Variants in DEPDC1 observed in about 807,000 individuals in gnomAD.
The protein encoded by DEPDC1 is DEP domain-containing protein 1A.
A neutral mutation model predicts 86.8 loss-of-function variants in DEPDC1; 66 were observed. The ratio of observed to expected loss-of-function variants is 0.76; its 90% CI spans 0.62 to 0.93. The LOEUF (loss-of-function observed/expected upper bound fraction) is 0.93, where lower values mean the gene tolerates loss of function less well. DEPDC1 is among the 40% of genes least tolerant of loss of function. The pLI, the probability that DEPDC1 is intolerant of heterozygous loss-of-function variation, is 0.00. For synonymous variants in DEPDC1, 255 were observed against 314.9 expected (o/e 0.81, Z 2.02); for missense variants, 792 against 935.7 (o/e 0.85, Z 2.00).
At chr1:68,479,030 T>C (rs1179583272) in intron 10 of DEPDC1, 114 bp downstream of exon 10, 1 of 838,874 alleles carries the variant, frequency 1.2e-6, no homozygotes, top group East Asian at 2.6e-5. Flanking sequence ...TCCTGACTTT[T>C]AGAGGTTGTT....
chr1:68,476,811 A>G lies in DEPDC1; in HGVS notation c.*121T>C. On this transcript the variant is annotated 3_prime_UTR_variant, in exon 12 of 12. Coordinates refer to ENST00000456315, the MANE Select transcript of DEPDC1 (RefSeq NM_001114120.3). ...GATAACTATTTTGGCACTTCCTTAC[A>G]TAATGTGTTTATTTAGAAATACCTT... 1.1e-6 allele frequency: 1 copy of G among 907,238 alleles called. No individual in the cohort carries two copies. The highest frequency in any genetic ancestry group is 1.6e-6 in the Non-Finnish European group (1 of 625,658). 56.2% of individuals were successfully genotyped at this position (907,238 alleles called of 1,614,324 possible). A position where few individuals can be genotyped will look rare whatever the true frequency, so the allele number is the denominator to read the frequency against.
At chr1:68,495,467 G>A (rs1646258693) in intron 1 of DEPDC1, among the ~76,000 whole-genome samples, 1 of 152,148 alleles carries the variant, frequency 6.6e-6, no homozygotes, top group African/African-American at 2.4e-5. Context: ...ATAAAGCAGA[G>A]AGATTAATAA....
chr1:68,490,895 C>G (rs1646225184), intron 2 of DEPDC1, among the ~76,000 whole-genome samples: 1 of 152,158 alleles, frequency 6.6e-6, no homozygotes, highest in Admixed American at 6.5e-5. Context: ...CTACAACCAA[C>G]TGATCTTCAG....
At chr1:68,486,758 T>A (rs955945815) in intron 6 of DEPDC1, among the ~76,000 whole-genome samples, 179 bp downstream of exon 6, 2 of 151,926 alleles carry the variant, frequency 1.3e-5, no homozygotes, top group African/African-American at 2.4e-5. Context: ...CAGAAAAAAT[T>A]AAGGGCTCCA....
At position 68,489,471 on chromosome 1, in the gene DEPDC1, T is replaced by C; in HGVS notation, c.452A>G (p.His151Arg). ...TGTTACCTGAGATAAATGTAATCCATGCCTTTTAGGAGTTCTACGAGATAA... is the reference window on the plus strand; with the variant it reads ...TGTTACCTGAGATAAATGTAATCCACGCCTTTTAGGAGTTCTACGAGATAA... ...RNLSRRTPKR[H>R]GLHLSQENGE... Residue 151 changes from histidine to arginine, a missense_variant, in exon 3 of 12, where the codon CAT (histidine) becomes CGT (arginine). His to Arg is a conservative substitution (Grantham distance 29, BLOSUM62 0). Coordinates refer to ENST00000456315, the MANE Select transcript of DEPDC1 (RefSeq NM_001114120.3). The C allele has an allele frequency of 4.6e-6, 7 of 1,510,042 alleles. No individual in the cohort carries two copies. The highest frequency in any genetic ancestry group is 6.1e-6 in the Non-Finnish European group (7 of 1,139,272). The allele number at this position is 1,510,042 out of a possible 1,614,324, so 93.5% of individuals were successfully genotyped here.
rs553707743 is a variant in DEPDC1 at position 68,476,776 on chromosome 1, G to T, written c.*156C>A. ...TTGAGATCTAGTTAGTTTCCTAAGAGTCTCACATTGATAACTATTTTGGCA... is the reference window on the plus strand; with the variant it reads ...TTGAGATCTAGTTAGTTTCCTAAGATTCTCACATTGATAACTATTTTGGCA... On this transcript the variant is annotated 3_prime_UTR_variant, in exon 12 of 12. Transcript: ENST00000456315. 6.3e-5 allele frequency: 37 copies of T among 591,164 alleles called. 2 individuals are homozygous for T. In the South Asian group the frequency reaches 9.6e-4, roughly 15 times the overall value. The allele number at this position is 591,164 out of a possible 1,614,324, so 36.6% of individuals were successfully genotyped here.
chr1:68,485,807 T>C (rs184869928), intron 6 of DEPDC1, among the ~76,000 whole-genome samples: 44 of 152,220 alleles, frequency 2.9e-4, no homozygotes, highest in African/African-American at 5.5e-4. Context: ...ATTTATTCAA[T>C]GTCATTTTAT....
At position 68,486,875 on chromosome 1, in the gene DEPDC1, CAATAT is replaced by C. The variant is rs1646195723; in HGVS notation, c.769+57_769+61del. 3 of 1,300,938 alleles carry C rather than the reference CAATAT, an allele frequency of 2.3e-6. No homozygotes were observed. The African/African-American group carries it at 5.0e-5, about 22-fold the overall frequency. 80.6% of individuals were successfully genotyped at this position (1,300,938 alleles called of 1,614,324 possible). A position where few individuals can be genotyped will look rare whatever the true frequency, so the allele number is the denominator to read the frequency against. On this transcript the variant is annotated intron_variant, in intron 6 of 11. Transcript: ENST00000456315. ...TTCCTTGGTTCTTGTTAAATACTATCAATATAACACACACACACACACACACACAC... is the reference window on the plus strand; with the variant it reads ...TTCCTTGGTTCTTGTTAAATACTATCAACACACACACACACACACACACAC...
rs375007168 is a variant in DEPDC1 at position 68,478,788 on chromosome 1, A to G, written c.2112+356T>C. Among the ~76,000 whole-genome samples the G allele has an allele frequency of 3.3e-4, 50 of 152,162 alleles. No individual in the cohort carries two copies. The East Asian group carries it at 8.1e-3, about 25-fold the overall frequency. On this transcript the variant is annotated intron_variant, in intron 10 of 11. Coordinates refer to ENST00000456315, the MANE Select transcript of DEPDC1 (RefSeq NM_001114120.3). Reference sequence around the variant, plus strand: ...ACTCTTAACAACCTAAACGATGCATATTTAACCTCAACTATGCTAAGAGTC... The same window carrying G: ...ACTCTTAACAACCTAAACGATGCATGTTTAACCTCAACTATGCTAAGAGTC...
At chr1:68,477,351 T>C (rs1053581277) in intron 11 of DEPDC1, among the ~76,000 whole-genome samples, 1 of 151,690 alleles carries the variant, frequency 6.6e-6, no homozygotes, top group Admixed American at 6.6e-5. Flanking sequence ...ATGAAGGGCA[T>C]AGGCATCTAG....
chr1:68,475,657 T>TG lies in DEPDC1; in HGVS notation c.*1274dup, dbSNP rs776420064. 7 of 151,856 alleles carry TG rather than the reference T, an allele frequency of 4.6e-5. No individual in the cohort carries two copies. The highest frequency in any genetic ancestry group is 1.7e-4 in the African/African-American group (7 of 41,396). 9.4% of individuals were successfully genotyped at this position (151,856 alleles called of 1,614,324 possible). ...TTAAGGAATAGATATGAAACAATCT[T>TG]GGAGTAAAAATTAGAAGGCAACTTG... On this transcript the variant is annotated 3_prime_UTR_variant, in exon 12 of 12. Coordinates refer to ENST00000456315, the MANE Select transcript of DEPDC1 (RefSeq NM_001114120.3).
chr1:68,477,947 A>T lies in DEPDC1; in HGVS notation c.2138T>A (p.Phe713Tyr). 1 of 1,552,058 alleles carries T rather than the reference A, an allele frequency of 6.4e-7. No individual in the cohort carries two copies. The highest frequency in any genetic ancestry group is 1.3e-5 in the South Asian group (1 of 76,408). ...GHIENPGDGL[F>Y]APLPTYSYCK... ...GTATGAGTAAGTTGGCAAAGGAGCA[A>T]ATAGTCCATCTCCAGGATTTTCAAT... Residue 713 changes from phenylalanine to tyrosine, a missense_variant, in exon 11 of 12, where the codon TTT (phenylalanine) becomes TAT (tyrosine). By Grantham distance (22) the Phe-to-Tyr change is conservative (BLOSUM62 3). Coordinates refer to ENST00000456315, the MANE Select transcript of DEPDC1 (RefSeq NM_001114120.3).
chr1:68,493,174 G>A (rs1201626259), intron 2 of DEPDC1, among the ~76,000 whole-genome samples: 1 of 152,152 alleles, frequency 6.6e-6, no homozygotes, highest in Non-Finnish European at 1.5e-5. Flanking sequence ...AGTTAAGAGA[G>A]GGAAGATTTG....
At position 68,476,751 on chromosome 1, in the gene DEPDC1, T is replaced by G; in HGVS notation, c.*181A>C. Reference sequence around the variant, plus strand: ...ATCATCTATTGTTATGTGCTCTCAATTGAGATCTAGTTAGTTTCCTAAGAG... The same window carrying G: ...ATCATCTATTGTTATGTGCTCTCAAGTGAGATCTAGTTAGTTTCCTAAGAG... On this transcript the variant is annotated 3_prime_UTR_variant, in exon 12 of 12. Transcript: ENST00000456315. 1 of 524,042 alleles carries G rather than the reference T, an allele frequency of 1.9e-6. No individual in the cohort carries two copies. Among genetic ancestry groups the G allele is most frequent in the Non-Finnish European group, 3.3e-6 (1 of 303,288 alleles). The allele number at this position is 524,042 out of a possible 1,614,324, so 32.5% of individuals were successfully genotyped here.
intron 6 of DEPDC1, among the ~76,000 whole-genome samples, chr1:68,484,769 T>C (rs1646181911): frequency 6.6e-6 from 1 of 151,958 alleles, no homozygotes; most frequent in Non-Finnish European, 1.5e-5. Context: ...ATAGATTATA[T>C]CACAGAATCA....
At chr1:68,491,949 G>C (rs1246148567) in intron 2 of DEPDC1, among the ~76,000 whole-genome samples, 1 of 150,476 alleles carries the variant, frequency 6.6e-6, no homozygotes, top group Non-Finnish European at 1.5e-5. Flanking sequence ...TAGAGACAGG[G>C]TCTCCCTATG....
At chr1:68,493,793 G>A (rs1471279406) in intron 2 of DEPDC1, among the ~76,000 whole-genome samples, 1 of 152,128 alleles carries the variant, frequency 6.6e-6, no homozygotes, top group Non-Finnish European at 1.5e-5. Flanking sequence ...TCAGCTCACT[G>A]CAACCTCCAC....
At position 68,494,509 on chromosome 1, in the gene DEPDC1, A is replaced by G. The variant is rs1250774289; in HGVS notation, c.235T>C (p.Phe79Leu). The change falls in exon 2 of 12, where the codon TTT becomes CTT. Residue 79 changes from phenylalanine to leucine, a missense_variant. Physicochemically the swap from Phe to Leu is conservative, Grantham distance 22 (BLOSUM62 0). Transcript: ENST00000456315. ...TCTTCAATTACATGATTCTTAAGAA[A>G]TTTCCTCAACAGTTGGATAGTCTGT... ...RQQTIQLLRKFLKNHVIEDIK... is the reference protein window; with the variant it reads ...RQQTIQLLRKLLKNHVIEDIK... The G allele has an allele frequency of 2.5e-6, 4 of 1,613,612 alleles. No individual in the cohort carries two copies. The highest frequency in any genetic ancestry group is 1.7e-5 in the Admixed American group (1 of 59,982).
intron 6 of DEPDC1, among the ~76,000 whole-genome samples, chr1:68,486,639 G>A (rs1646194274): frequency 6.6e-6 from 1 of 151,162 alleles, no homozygotes; most frequent in African/African-American, 2.4e-5. Flanking sequence ...CAATTAGTGT[G>A]GATTTCACTT....
Sources: gnomAD v4.1 joint callset for allele counts (sites outside exome capture counted in the v4.1 genomes callset) on GRCh38, gnomAD v4.1.1 for gene constraint, MANE v1.5 for transcripts, NCBI Gene and HGNC (gene_info 2026-07-23, HGNC 2026-07-21) for gene names.